The following PCBP3 variants were observed in gnomAD, a reference collection of about 807,000 sequenced individuals.
PCBP3 encodes the protein poly(rC) binding protein 3, also known as poly(rC)-binding protein 3.
Under a neutral mutation model 52.7 loss-of-function variants are expected in PCBP3, and 25 were observed. The observed-to-expected ratio is 0.47, with a 90% CI of 0.35 to 0.66. The LOEUF is 0.66. Among genes scored for constraint, PCBP3 ranks in the 30% least tolerant of loss-of-function variants. The pLI, the probability that PCBP3 is intolerant of heterozygous loss-of-function variation, is 0.01. For missense variants in PCBP3, 391 were observed against 490.3 expected, an observed-to-expected ratio of 0.80 and a Z score of 1.91; for synonymous variants, 162 against 183.0, an observed-to-expected ratio of 0.89 and a Z score of 0.93.
chr21:45,701,194 T>C (rs2083103007), intron 2 of PCBP3, among the ~76,000 whole-genome samples: 1 of 152,210 alleles, frequency 6.6e-6, no homozygotes, highest in Non-Finnish European at 1.5e-5. Context: ...TACTTTCCTA[T>C]TAGCAGTCAC....
chr21:45,901,109 A>G lies in PCBP3; in HGVS notation c.335A>G (p.Glu112Gly). Residue 112 changes from glutamate (E) to glycine (G), a missense_variant, in exon 9 of 18, where the codon GAG (glutamate) becomes GGG (glycine). Coordinates refer to ENST00000681687, the MANE Select transcript of PCBP3 (RefSeq NM_001384156.1). ...TTTGCCATGATCGCATACAAGTTTGAGGAGGTAACCTGCACCCCAGGCACC... is the reference window on the plus strand; with the variant it reads ...TTTGCCATGATCGCATACAAGTTTGGGGAGGTAACCTGCACCCCAGGCACC... ...KAFAMIAYKFEEDIINSMSNS... is the reference protein window; with the variant it reads ...KAFAMIAYKFGEDIINSMSNS... The G allele has an allele frequency of 6.2e-7, 1 of 1,608,812 alleles. No individual in the cohort carries two copies. Among genetic ancestry groups the G allele is most frequent in the East Asian group, 2.2e-5 (1 of 44,842 alleles).
intron 4 of PCBP3, among the ~76,000 whole-genome samples, chr21:45,777,209 GT>G (rs929869950): frequency 5.3e-5 from 8 of 151,836 alleles, no homozygotes; most frequent in South Asian, 2.1e-4. Context: ...TTTGTTTTTT[GT>G]TTTTTTCCCC....
intron 2 of PCBP3, among the ~76,000 whole-genome samples, chr21:45,697,780 G>A (rs564748380): frequency 1.3e-5 from 2 of 151,602 alleles, no homozygotes; most frequent in Admixed American, 1.3e-4. Flanking sequence ...AATTACAAAG[G>A]AATTATTCTC....
rs1312020416 is a variant in PCBP3 at position 45,862,099 on chromosome 21, G to C, written c.10+12004G>C. ...TTCTTGAGCCTTTTTATGAGGCACT[G>C]GTCCATTTCTGAGAGCGGAGTCTCA... On this transcript the variant is annotated intron_variant, in intron 5 of 17. Transcript: ENST00000681687. Among the ~76,000 whole-genome samples the C allele has an allele frequency of 2.7e-5, 4 of 147,014 alleles. 1 individual carries two copies. Among genetic ancestry groups the C allele is most frequent in the Non-Finnish European group, 6.0e-5 (4 of 67,224 alleles).
chr21:45,700,799 C>CT (rs923744359), intron 2 of PCBP3, among the ~76,000 whole-genome samples: 5 of 152,198 alleles, frequency 3.3e-5, no homozygotes, highest in Non-Finnish European at 7.3e-5. Flanking sequence ...AGCCCAGAGC[C>CT]TTCTGTAGAG....
At chr21:45,923,876 C>T (rs1376731646) in intron 13 of PCBP3, among the ~76,000 whole-genome samples, 9 of 95,132 alleles carry the variant, frequency 9.5e-5, no homozygotes, top group South Asian at 6.7e-4. Context: ...CACGTAAGAT[C>T]GGGTGTGCAC....
Position 45,687,561 on chromosome 21 carries a change from G to A in PCBP3, c.-200+18609G>A, listed in dbSNP as rs146384894. Among the ~76,000 whole-genome samples the A allele has an allele frequency of 4.0e-3, 610 of 152,140 alleles. 7 individuals carry two copies. The highest frequency in any genetic ancestry group is 0.02 in the Middle Eastern group (6 of 294). On this transcript the variant is annotated intron_variant, in intron 2 of 17. Coordinates refer to ENST00000681687, the MANE Select transcript of PCBP3 (RefSeq NM_001384156.1). ...TAAACCCAACAGTATCAAAATTATAGTAAAAGTAAATGGTCAAAACATTCC... is the reference window on the plus strand; with the variant it reads ...TAAACCCAACAGTATCAAAATTATAATAAAAGTAAATGGTCAAAACATTCC...
intron 2 of PCBP3, among the ~76,000 whole-genome samples, chr21:45,671,608 T>C (rs2081179437): frequency 6.6e-6 from 1 of 152,182 alleles, no homozygotes; most frequent in African/African-American, 2.4e-5. Flanking sequence ...TGGGGTGTTG[T>C]GGTAAGAGGG....
At chr21:45,873,011 A>G (rs2095096562) in intron 5 of PCBP3, 1 of 152,150 alleles carries the variant, frequency 6.6e-6, no homozygotes, top group African/African-American at 2.4e-5. Flanking sequence ...TGCGCCCACC[A>G]TCAACCTTCC....
Position 45,845,507 on chromosome 21 carries a change from T to C in PCBP3, c.-125-4454T>C, listed in dbSNP as rs7278500. Among the ~76,000 whole-genome samples the C allele has an allele frequency of 5.3e-3, 808 of 151,350 alleles. 4 individuals are homozygous for C. Among genetic ancestry groups the C allele is most frequent in the African/African-American group, 0.018 (756 of 41,156 alleles). ...TGTGAGCTGCTTAAGCACCCGCGTG[T>C]ACACGTTTGTGAGTGTGTGCCTTTG... On this transcript the variant is annotated intron_variant, in intron 4 of 17. Coordinates refer to ENST00000681687, the MANE Select transcript of PCBP3 (RefSeq NM_001384156.1).
chr21:45,898,347 ACACCATCCTCATGGTCTCCCTCTG>A (rs1395239324), intron 6 of PCBP3, among the ~76,000 whole-genome samples: 1,237 of 35,514 alleles, frequency 0.035, 75 homozygotes, highest in African/African-American at 0.12. Context: ...CTCCCTCTGC[ACACCATCCTCATGGTCTCCCTCTG>A]CACACCGTCC....
intron 4 of PCBP3, among the ~76,000 whole-genome samples, chr21:45,797,720 CA>C (rs1907146697): frequency 9.1e-6 from 1 of 110,044 alleles, no homozygotes; most frequent in Non-Finnish European, 1.8e-5. Flanking sequence ...AGAGTGAATG[CA>C]TGGATGGACG....
At chr21:45,807,401 A>G (rs1402765724) in intron 4 of PCBP3, among the ~76,000 whole-genome samples, 3 of 152,100 alleles carry the variant, frequency 2.0e-5, no homozygotes, top group African/African-American at 7.2e-5. Flanking sequence ...ATAATAGACA[A>G]ACAGCCAAAT....
intron 5 of PCBP3, among the ~76,000 whole-genome samples, chr21:45,888,639 GC>G (rs2095579554): frequency 6.6e-6 from 1 of 152,272 alleles, no homozygotes; most frequent in South Asian, 2.1e-4. Context: ...CCTCCTGTGT[GC>G]AGCTTCAGTG....
chr21:45,695,495 G>A (rs1276474021), intron 2 of PCBP3, among the ~76,000 whole-genome samples: 1 of 152,162 alleles, frequency 6.6e-6, no homozygotes, highest in Non-Finnish European at 1.5e-5. Context: ...TCACAGCCAT[G>A]CCCTCTGTAA....
At chr21:45,785,661 T>C in intron 4 of PCBP3, among the ~76,000 whole-genome samples, 1 of 152,154 alleles carries the variant, frequency 6.6e-6, no homozygotes. Flanking sequence ...GAATGGGCCA[T>C]GATGACAGTG....
At chr21:45,715,390 C>T (rs1454883901) in intron 2 of PCBP3, among the ~76,000 whole-genome samples, 1 of 152,118 alleles carries the variant, frequency 6.6e-6, no homozygotes, top group Non-Finnish European at 1.5e-5. Context: ...ATAAAATCTA[C>T]CCATTAAAGC....
intron 5 of PCBP3, among the ~76,000 whole-genome samples, chr21:45,884,110 A>G (rs533645548): frequency 8.4e-4 from 127 of 151,974 alleles, no homozygotes; most frequent in South Asian, 3.1e-3. Flanking sequence ...ATTTATTTTT[A>G]TATTTTGTAG....
intron 5 of PCBP3, among the ~76,000 whole-genome samples, chr21:45,855,468 G>T (rs1176295193): frequency 6.6e-6 from 1 of 152,206 alleles, no homozygotes; most frequent in South Asian, 2.1e-4. Flanking sequence ...AGCACAGAGG[G>T]GGGCATGCGT....
Sources: allele counts gnomAD v4.1 joint callset (sites outside exome capture counted in the v4.1 genomes callset), GRCh38; gene constraint gnomAD v4.1.1; transcripts MANE v1.5; gene names NCBI Gene and HGNC (gene_info 2026-07-23, HGNC 2026-07-21).